Variants in MAGI1 observed in about 807,000 individuals in gnomAD.
MAGI1 encodes the protein membrane associated guanylate kinase, WW and PDZ domain containing 1.
A neutral mutation model predicts 139.9 loss-of-function variants in MAGI1; 58 were observed. The observed-to-expected ratio is 0.41, with a 90% CI of 0.34 to 0.52. MAGI1 has a LOEUF of 0.52. Among genes scored for constraint, MAGI1 ranks in the 20% least tolerant of loss-of-function variants. MAGI1 has a pLI of 0.12. For missense variants in MAGI1, 1,874 were observed against 1,901.6 expected (o/e 0.99, Z 0.27); for synonymous variants, 812 against 737.9 (o/e 1.10, Z -1.63).
chr3:65,723,918 T>C (rs2033329239), intron 1 of MAGI1, among the ~76,000 whole-genome samples: 1 of 152,160 alleles, frequency 6.6e-6, no homozygotes, highest in Admixed American at 6.5e-5. Context: ...ATTAGCATGT[T>C]TGGGGATTGG....
chr3:65,665,058 G>T (rs2086425432), intron 1 of MAGI1, among the ~76,000 whole-genome samples: 1 of 152,122 alleles, frequency 6.6e-6, no homozygotes, highest in Non-Finnish European at 1.5e-5. Flanking sequence ...ACCTGCTGAG[G>T]CAGAAGAGCC....
intron 1 of MAGI1, chr3:65,687,614 G>A: frequency 2.4e-6 from 1 of 414,130 alleles, no homozygotes; most frequent in Non-Finnish European, 4.9e-6. Flanking sequence ...GGATAGGTGG[G>A]ATCCTATAAA....
intron 1 of MAGI1, among the ~76,000 whole-genome samples, chr3:65,677,445 C>T (rs1045154486): frequency 3.3e-5 from 5 of 152,004 alleles, no homozygotes; most frequent in East Asian, 3.9e-4. Flanking sequence ...AATGACACAC[C>T]GGCAAGGTTT....
intron 2 of MAGI1, among the ~76,000 whole-genome samples, chr3:65,569,157 T>A (rs2080822108): frequency 6.6e-6 from 1 of 152,218 alleles, no homozygotes; most frequent in Non-Finnish European, 1.5e-5. Context: ...GAAGACATTA[T>A]GCTAAATGAA....
chr3:65,809,779 A>T (rs548650123), intron 1 of MAGI1, among the ~76,000 whole-genome samples: 1 of 152,296 alleles, frequency 6.6e-6, no homozygotes, highest in East Asian at 1.9e-4. Flanking sequence ...TACACTGGAC[A>T]TTCCATTCCG....
chr3:65,387,034 T>G, intron 14 of MAGI1: 1 of 946,580 alleles, frequency 1.1e-6, no homozygotes, highest in Non-Finnish European at 1.6e-6. Flanking sequence ...TTCATGCCCC[T>G]TTTTTCTTCC....
chr3:65,873,682 C>T (rs1329771544), intron 1 of MAGI1: 1 of 152,146 alleles, frequency 6.6e-6, no homozygotes, highest in Non-Finnish European at 1.5e-5. Context: ...AAGACCTCTG[C>T]ATATTTGATT....
chr3:65,659,462 AC>A (rs1354581154), intron 1 of MAGI1, among the ~76,000 whole-genome samples: 1 of 152,098 alleles, frequency 6.6e-6, no homozygotes, highest in African/African-American at 2.4e-5. Context: ...AACATACTAA[AC>A]CACACACTCA....
At chr3:66,018,035 A>G (rs2107536209) in intron 1 of MAGI1, among the ~76,000 whole-genome samples, 1 of 144,786 alleles carries the variant, frequency 6.9e-6, no homozygotes, top group Non-Finnish European at 1.5e-5. Context: ...TCTTGGTCAG[A>G]GATGCGGTCC....
intron 2 of MAGI1, among the ~76,000 whole-genome samples, chr3:65,525,427 C>T (rs1559637308): frequency 2.0e-5 from 3 of 152,146 alleles, no homozygotes; most frequent in Non-Finnish European, 2.9e-5. Context: ...CTTTGGAATG[C>T]TTTTAAAATC....
intron 1 of MAGI1, among the ~76,000 whole-genome samples, chr3:65,798,088 G>A (rs924660586): frequency 2.0e-5 from 3 of 152,048 alleles, no homozygotes; most frequent in African/African-American, 7.2e-5. Flanking sequence ...GGCAGATCAC[G>A]AGGTCAAGAG....
At chr3:65,916,266 G>A (rs1182455930) in intron 1 of MAGI1, among the ~76,000 whole-genome samples, 3 of 151,854 alleles carry the variant, frequency 2.0e-5, no homozygotes, top group African/African-American at 4.8e-5. Context: ...ACGGGGTTTC[G>A]CCATGATAGC....
intron 1 of MAGI1, among the ~76,000 whole-genome samples, chr3:65,805,701 C>A (rs539528917): frequency 6.6e-6 from 1 of 152,186 alleles, no homozygotes; most frequent in African/African-American, 2.4e-5. Flanking sequence ...TGCCCATCAG[C>A]AATAGGCTGG....
chr3:65,502,664 C>A (rs2077126748), intron 2 of MAGI1, among the ~76,000 whole-genome samples: 2 of 152,194 alleles, frequency 1.3e-5, no homozygotes, highest in Admixed American at 1.3e-4. Flanking sequence ...AATGAAAGCC[C>A]TTCCCCTTTT....
rs1576342952 is a variant in MAGI1 at position 65,567,611 on chromosome 3, T to C, written c.430+54361A>G. The stretch of plus-strand genomic sequence containing the variant: ...CAGCATTTTGGGAAGCTGAGGCTGG[T>C]GGATCACTTGAGGTCAGGAGTTCAA... On this transcript the variant is annotated intron_variant, in intron 2 of 22. Transcript: ENST00000402939. Among the ~76,000 whole-genome samples, 3 of 152,226 alleles carry C rather than the reference T, an allele frequency of 2.0e-5. No homozygotes were observed. In the South Asian group the frequency reaches 6.2e-4, roughly 32 times the overall value.
At chr3:65,747,682 A>G (rs2035815761) in intron 1 of MAGI1, among the ~76,000 whole-genome samples, 1 of 152,188 alleles carries the variant, frequency 6.6e-6, no homozygotes, top group Non-Finnish European at 1.5e-5. Flanking sequence ...ATCAATGGTA[A>G]CAAATGTCCC....
chr3:65,705,449 A>G (rs1027245570), intron 1 of MAGI1, among the ~76,000 whole-genome samples: 4 of 152,228 alleles, frequency 2.6e-5, no homozygotes, highest in African/African-American at 9.6e-5. Context: ...ACTGAATTGT[A>G]TACTTTAAAA....
intron 1 of MAGI1, chr3:66,003,990 A>C (rs947154171): frequency 6.6e-6 from 1 of 152,166 alleles, no homozygotes; most frequent in Non-Finnish European, 1.5e-5. Flanking sequence ...GGACATCACA[A>C]TAATCTACTC....
intron 1 of MAGI1, among the ~76,000 whole-genome samples, chr3:65,880,181 G>A (rs1215380991): frequency 6.6e-6 from 1 of 152,082 alleles, no homozygotes; most frequent in Non-Finnish European, 1.5e-5. Flanking sequence ...GGTAGAAGTT[G>A]CATTAAGCTG....
Sources: allele counts gnomAD v4.1 joint callset (sites outside exome capture counted in the v4.1 genomes callset), GRCh38; gene constraint gnomAD v4.1.1; transcripts MANE v1.5; gene names NCBI Gene and HGNC (gene_info 2026-07-23, HGNC 2026-07-21).